The following CENPW variants were observed in gnomAD, a reference collection of about 807,000 sequenced individuals.
CENPW encodes the protein centromere protein W.
Under a neutral mutation model 11.1 loss-of-function variants are expected in CENPW, and 3 were observed. The observed-to-expected ratio is 0.27, with a 90% confidence interval of 0.12 to 0.70. The LOEUF (loss-of-function observed/expected upper bound fraction) is 0.70. Among genes scored for constraint, CENPW ranks in the 30% least tolerant of loss-of-function variants. The pLI, the probability that CENPW is intolerant of heterozygous loss-of-function variation, is 0.77. For missense variants in CENPW, 100 were observed against 105.6 expected (o/e 0.95, Z 0.23); for synonymous variants, 38 against 42.0 (o/e 0.91, Z 0.37).
the CENPW span, among the ~76,000 whole-genome samples, chr6:126,441,348 A>G: frequency 1.3e-5 from 2 of 151,414 alleles, no homozygotes; most frequent in African/African-American, 4.8e-5. Context: ...CTAGTAGCCA[A>G]ACAGAATTTT....
At chr6:126,473,986 T>G in the CENPW span, among the ~76,000 whole-genome samples, 1 of 148,134 alleles carries the variant, frequency 6.8e-6, no homozygotes, top group Non-Finnish European at 1.5e-5. Flanking sequence ...ACAGAATATA[T>G]ATAGAATATA....
chr6:126,446,252 G>T, the CENPW span, among the ~76,000 whole-genome samples: 9 of 150,984 alleles, frequency 6.0e-5, no homozygotes, highest in African/African-American at 2.2e-4. Context: ...CACTGCTGCT[G>T]GAGATATTAT....
At chr6:126,351,513 A>G (rs1780490757), downstream of CENPW, among the ~76,000 whole-genome samples, 2 of 152,088 alleles carry the variant, frequency 1.3e-5, no homozygotes, top group Non-Finnish European at 2.9e-5. Context: ...GAAAAGAAAG[A>G]GAATCTAGAA....
chr6:126,473,126 G>A, the CENPW span, among the ~76,000 whole-genome samples: 1 of 152,052 alleles, frequency 6.6e-6, no homozygotes, highest in African/African-American at 2.4e-5. Context: ...TCATTGTATG[G>A]TTAAGCCAAA....
chr6:126,478,480 G>T, the CENPW span, among the ~76,000 whole-genome samples: 1 of 151,628 alleles, frequency 6.6e-6, no homozygotes, highest in African/African-American at 2.4e-5. Context: ...ACAGAATGAA[G>T]CCAACACATA....
At chr6:126,458,519 C>A in the CENPW span, among the ~76,000 whole-genome samples, 2 of 151,284 alleles carry the variant, frequency 1.3e-5, no homozygotes, top group Admixed American at 6.6e-5. Flanking sequence ...GATGCTTTTT[C>A]TACCAGCCTG....
intron 1 of CENPW, among the ~76,000 whole-genome samples, chr6:126,341,166 C>A (rs956056692): frequency 3.3e-5 from 5 of 152,176 alleles, no homozygotes; most frequent in African/African-American, 1.2e-4. Flanking sequence ...GAAATAAATT[C>A]AGTTTGTGTG....
the CENPW span, among the ~76,000 whole-genome samples, chr6:126,398,078 T>C: frequency 6.6e-6 from 1 of 152,224 alleles, no homozygotes; most frequent in Non-Finnish European, 1.5e-5. Flanking sequence ...CAGACAGTCC[T>C]GGTTTACTCC....
the CENPW span, among the ~76,000 whole-genome samples, chr6:126,440,862 G>A: frequency 6.6e-6 from 1 of 151,472 alleles, no homozygotes; most frequent in Non-Finnish European, 1.5e-5. Flanking sequence ...GTCCATTTGA[G>A]GAGGGTCAGA....
chr6:126,347,353 C>T (rs891435069), intron 2 of CENPW, among the ~76,000 whole-genome samples: 1 of 152,108 alleles, frequency 6.6e-6, no homozygotes, highest in Non-Finnish European at 1.5e-5. Flanking sequence ...TATCCAGTTT[C>T]TCATAATCCT....
the CENPW span, among the ~76,000 whole-genome samples, chr6:126,418,727 G>T: frequency 1.3e-5 from 2 of 151,876 alleles, no homozygotes; most frequent in Non-Finnish European, 2.9e-5. Context: ...CAACTCTGGG[G>T]TTAATATTAT....
At chr6:126,433,101 A>T in the CENPW span, among the ~76,000 whole-genome samples, 1 of 152,182 alleles carries the variant, frequency 6.6e-6, no homozygotes, top group Non-Finnish European at 1.5e-5. Flanking sequence ...TGCCAATCAT[A>T]TACAGTAGTC....
chr6:126,468,701 T>TA, the CENPW span, among the ~76,000 whole-genome samples: 1 of 152,208 alleles, frequency 6.6e-6, no homozygotes, highest in East Asian at 1.9e-4. Context: ...AAAATTGTTC[T>TA]AAAAATGCTT....
the CENPW span, among the ~76,000 whole-genome samples, chr6:126,378,781 C>A: frequency 6.6e-6 from 1 of 152,086 alleles, no homozygotes; most frequent in Non-Finnish European, 1.5e-5. Context: ...GAAAATATTT[C>A]TAATTCCAAT....
At chr6:126,476,858 C>G in the CENPW span, among the ~76,000 whole-genome samples, 1 of 151,616 alleles carries the variant, frequency 6.6e-6, no homozygotes, top group Non-Finnish European at 1.5e-5. Context: ...TGTCTAAAAC[C>G]AGATGGGTTA....
At chr6:126,472,245 A>G in the CENPW span, among the ~76,000 whole-genome samples, 1 of 152,200 alleles carries the variant, frequency 6.6e-6, no homozygotes, top group Non-Finnish European at 1.5e-5. Context: ...GAAAACCACA[A>G]TACATAATCA....
At chr6:126,458,076 G>C in the CENPW span, among the ~76,000 whole-genome samples, 1 of 151,140 alleles carries the variant, frequency 6.6e-6, no homozygotes, top group Non-Finnish European at 1.5e-5. Flanking sequence ...CTTCTATTGA[G>C]CTTACACTTT....
the CENPW span, among the ~76,000 whole-genome samples, chr6:126,401,662 A>G: frequency 4.6e-5 from 7 of 151,976 alleles, no homozygotes; most frequent in Non-Finnish European, 1.0e-4. Context: ...CTTTTGTTCC[A>G]TATGTGAGAT....
the CENPW span, among the ~76,000 whole-genome samples, chr6:126,424,837 C>G: frequency 2.0e-5 from 3 of 152,102 alleles, no homozygotes; most frequent in Non-Finnish European, 2.9e-5. Flanking sequence ...CTCATCTAAG[C>G]CAGGATCCAA....
Sources: gnomAD v4.1 joint callset for allele counts (sites outside exome capture counted in the v4.1 genomes callset) on GRCh38, gnomAD v4.1.1 for gene constraint, MANE v1.5 for transcripts, NCBI Gene and HGNC (gene_info 2026-07-23, HGNC 2026-07-21) for gene names.